The following ACTN2 variants were observed in gnomAD, a reference collection of about 807,000 sequenced individuals.
The protein encoded by ACTN2 is actinin alpha 2.
In ACTN2, 39 loss-of-function variants were observed where a neutral mutation model predicts 113.8. The ratio of observed to expected loss-of-function variants is 0.34; its 90% CI spans 0.27 to 0.45. The LOEUF is 0.45. Ranked by LOEUF, ACTN2 falls within the 20% of genes least tolerant of loss-of-function variation. The probability of loss-of-function intolerance (pLI) is 1.00; values close to 1 mark genes in which losing one functional copy is unlikely to be tolerated. For synonymous variants in ACTN2, 429 were observed against 444.1 expected (o/e 0.97, Z 0.43); for missense variants, 992 against 1,177.9 (o/e 0.84, Z 2.31).
At chr1:236,720,670 C>T (rs995868812) in intron 4 of ACTN2, among the ~76,000 whole-genome samples, 7 of 151,916 alleles carry the variant, frequency 4.6e-5, no homozygotes, top group African/African-American at 1.7e-4. Context: ...TATCTTTTGG[C>T]CTAACTACTG....
At chr1:236,746,699 C>T (rs976642977) in intron 12 of ACTN2, among the ~76,000 whole-genome samples, 3 of 149,742 alleles carry the variant, frequency 2.0e-5, no homozygotes, top group African/African-American at 4.9e-5. Flanking sequence ...AAAGCAAGAC[C>T]CTGTCTCAAA....
chr1:236,749,822 GACAACT>G (rs917502125), intron 14 of ACTN2, among the ~76,000 whole-genome samples: 2 of 151,798 alleles, frequency 1.3e-5, no homozygotes, highest in African/African-American at 2.4e-5. Flanking sequence ...CAACAACAAC[GACAACT>G]ACAACTACAA....
Position 236,739,388 on chromosome 1 carries a change from G to A in ACTN2, c.963G>A (p.Glu321=). 1 of 1,614,076 alleles carries A rather than the reference G, an allele frequency of 6.2e-7. No individual in the cohort carries two copies. The highest frequency in any genetic ancestry group is 8.5e-7 in the Non-Finnish European group (1 of 1,180,008). ...TGCAAGCCATGCAGAAGAAGCTGGA[G>A]GACTTCCGGGATTACCGCCGGAAGC... The part of the protein sequence containing the change: ...KTMQAMQKKL[E]DFRDYRRKHK... Residue 321 remains glutamate (E), a synonymous_variant, in exon 10 of 21, where the codon GAG becomes GAA. Transcript: ENST00000366578.
chr1:236,735,498 G>T, intron 7 of ACTN2, 137 bp from the exon 8 acceptor site: 1 of 773,342 alleles, frequency 1.3e-6, no homozygotes, highest in Non-Finnish European at 2.3e-6. Context: ...TCGGGACCAC[G>T]GGCCCATGAA....
At chr1:236,745,986 A>AC (rs1307986253) in intron 12 of ACTN2, among the ~76,000 whole-genome samples, 2 of 151,776 alleles carry the variant, frequency 1.3e-5, no homozygotes, top group Non-Finnish European at 2.9e-5. Flanking sequence ...ACACGGTGAA[A>AC]CCCCGTATCT....
At chr1:236,719,718 G>C (rs997469109) in intron 3 of ACTN2, among the ~76,000 whole-genome samples, 3 of 151,726 alleles carry the variant, frequency 2.0e-5, no homozygotes, top group Non-Finnish European at 2.9e-5. Context: ...AGAATTGCTT[G>C]ATCCCAGGAG....
At chr1:236,730,567 ATCT>A (rs1658685983) in intron 6 of ACTN2, among the ~76,000 whole-genome samples, 1 of 152,154 alleles carries the variant, frequency 6.6e-6, no homozygotes, top group Non-Finnish European at 1.5e-5. Flanking sequence ...GAAATGTTGC[ATCT>A]TCTTTGTTTT....
At chr1:236,759,617 G>A in intron 18 of ACTN2, 107 bp from the exon 19 acceptor site, 3 of 914,072 alleles carry the variant, frequency 3.3e-6, no homozygotes, top group Non-Finnish European at 5.5e-6. Flanking sequence ...TTACGACCTT[G>A]GCAGAGCTCA....
At chr1:236,718,048 A>G (rs1169309417) in intron 2 of ACTN2, 76 bp downstream of exon 2, 3 of 1,191,272 alleles carry the variant, frequency 2.5e-6, no homozygotes, top group African/African-American at 3.0e-5. Flanking sequence ...TGACTACATC[A>G]GAAGTTCGCT....
At position 236,744,801 on chromosome 1, in the gene ACTN2, C is replaced by G. The variant is rs374679702; in HGVS notation, c.1406+25C>G. The G allele has an allele frequency of 4.8e-5, 77 of 1,613,896 alleles. 2 individuals carry two copies. The South Asian group carries it at 6.4e-4, about 13-fold the overall frequency. Reference sequence around the variant, plus strand: ...AGTATGTGCAGATGCCCTCCGTCCTCCCGGGAGCCCCTGGGATTCCACAGA... The same window carrying G: ...AGTATGTGCAGATGCCCTCCGTCCTGCCGGGAGCCCCTGGGATTCCACAGA... On this transcript the variant is annotated intron_variant, in intron 12 of 20. Coordinates refer to ENST00000366578, the MANE Select transcript of ACTN2 (RefSeq NM_001103.4).
At chr1:236,689,957 G>A (rs989765564) in intron 1 of ACTN2, among the ~76,000 whole-genome samples, 1 of 152,230 alleles carries the variant, frequency 6.6e-6, no homozygotes, top group East Asian at 1.9e-4. Context: ...GGAGGCTAGA[G>A]CAGACCTTTT....
intron 7 of ACTN2, among the ~76,000 whole-genome samples, chr1:236,732,482 G>A (rs551231234): frequency 1.0e-4 from 15 of 148,970 alleles, no homozygotes; most frequent in African/African-American, 3.0e-4. Context: ...TCACTCCGTC[G>A]CCCAGGCTGG....
At chr1:236,746,618 A>T (rs573838815) in intron 12 of ACTN2, among the ~76,000 whole-genome samples, 5 of 151,932 alleles carry the variant, frequency 3.3e-5, no homozygotes, top group African/African-American at 1.2e-4. Flanking sequence ...AGACAGGAGG[A>T]TCACTTGAGC....
intron 8 of ACTN2, chr1:236,736,565 A>G (rs1572129946): frequency 6.6e-7 from 1 of 1,525,352 alleles, no homozygotes; most frequent in African/African-American, 1.4e-5. Context: ...TAGGTTAGAC[A>G]AAGTCTTAAA....
intron 1 of ACTN2, among the ~76,000 whole-genome samples, chr1:236,709,255 TACACAC>T (rs372642966): frequency 0.015 from 1,008 of 68,914 alleles, 32 homozygotes; most frequent in African/African-American, 0.051. Flanking sequence ...TATATATATA[TACACAC>T]ACACACACAC....
At chr1:236,744,923 T>C (rs1659182400) in intron 12 of ACTN2, 147 bp downstream of exon 12, 1 of 1,105,254 alleles carries the variant, frequency 9.0e-7, no homozygotes, top group Non-Finnish European at 1.3e-6. Context: ...TTTCTTTAAA[T>C]GTAGAAACAG....
chr1:236,757,379 C>T, intron 17 of ACTN2, 107 bp from the exon 18 acceptor site: 1 of 1,404,788 alleles, frequency 7.1e-7, no homozygotes, highest in Non-Finnish European at 1.0e-6. Context: ...TATCATGAGC[C>T]CTGCTTAGTA....
At chr1:236,757,360 G>T in intron 17 of ACTN2, 126 bp from the exon 18 acceptor site, 1 of 1,227,586 alleles carries the variant, frequency 8.1e-7, no homozygotes, top group Admixed American at 1.8e-5. Context: ...TTTCAAGTGT[G>T]GGGAAGGCTA....
At position 236,700,427 on chromosome 1, in the gene ACTN2, C is replaced by T. The variant is rs181990697; in HGVS notation, c.126+13628C>T. ...TAATTCCAGTGAATTTCAGGCTCAG[C>T]GGAAGATGGGGAGGCCTGTATATGT... is the stretch of plus-strand genomic sequence containing the variant. On this transcript the variant is annotated intron_variant, in intron 1 of 20. Transcript: ENST00000366578. 1.4e-4 allele frequency among the ~76,000 whole-genome samples: 22 copies of T among 152,258 alleles called. No homozygotes were observed. The East Asian group carries it at 4.1e-3, about 28-fold the overall frequency.
Sources: gnomAD v4.1 joint callset for allele counts (sites outside exome capture counted in the v4.1 genomes callset) on GRCh38, gnomAD v4.1.1 for gene constraint, MANE v1.5 for transcripts, NCBI Gene and HGNC (gene_info 2026-07-23, HGNC 2026-07-21) for gene names.